The following PFKFB3 variants were observed in gnomAD, a reference collection of about 807,000 sequenced individuals.
PFKFB3 encodes the protein 6-phosphofructo-2-kinase/fructose-2,6-biphosphatase 3, also known as 6-phosphofructo-2-kinase/fructose-2,6-bisphosphatase 3.
Under a neutral mutation model 68.0 loss-of-function variants are expected in PFKFB3, and 33 were observed. The observed-to-expected ratio is 0.49, with a 90% CI of 0.37 to 0.65. The LOEUF (loss-of-function observed/expected upper bound fraction) is 0.65. Ranked by LOEUF, PFKFB3 falls within the 30% of genes least tolerant of loss-of-function variation. PFKFB3 has a pLI of 0.00. For synonymous variants in PFKFB3, 315 were observed against 288.2 expected, an observed-to-expected ratio of 1.09 and a Z score of -0.94; for missense variants, 586 against 712.2, an observed-to-expected ratio of 0.82 and a Z score of 2.02.
Position 6,229,476 on chromosome 10 carries a change from G to A in PFKFB3, c.1515+3111G>A, listed in dbSNP as rs769799471. ...TCCTGAGGCCCCTGCCCTGTGACCC[G>A]CAAGGCATGGGCAGCTGTTGGACCC... On this transcript the variant is annotated intron_variant, in intron 14 of 14. Transcript: ENST00000379775. This position sits in a 1 kb window ranked among gnomAD's most constrained non-coding sequence, Gnocchi z 4.3. 1.4e-4 allele frequency among the ~76,000 whole-genome samples: 21 copies of A among 152,190 alleles called. No homozygotes were observed. Among genetic ancestry groups the A allele is most frequent in the Admixed American group, 7.2e-4 (11 of 15,288 alleles).
intron 14 of PFKFB3, among the ~76,000 whole-genome samples, chr10:6,250,843 G>T (rs1846365013): frequency 6.6e-6 from 1 of 152,176 alleles, no homozygotes; most frequent in African/African-American, 2.4e-5. Flanking sequence ...GTTATAACCG[G>T]CCCAAATGGC....
At chr10:6,198,279 A>G (rs1456838685), upstream of PFKFB3, among the ~76,000 whole-genome samples, 1 of 151,882 alleles carries the variant, frequency 6.6e-6, no homozygotes. Context: ...AAAAGAAAAG[A>G]AAAGGAAATG....
the PFKFB3 span, among the ~76,000 whole-genome samples, chr10:6,285,934 G>A: frequency 1.4e-5 from 2 of 142,566 alleles, no homozygotes; most frequent in African/African-American, 2.6e-5. Context: ...TATGTACTAC[G>A]TTTTAAAATC....
intron 1 of PFKFB3, among the ~76,000 whole-genome samples, chr10:6,185,146 CGAG>C (rs1564605168): frequency 6.6e-6 from 1 of 152,220 alleles, no homozygotes; most frequent in African/African-American, 2.4e-5. Flanking sequence ...GCACGCCCCA[CGAG>C]GGCCTCTGTG....
At chr10:6,237,660 G>T (rs537626963), downstream of PFKFB3, among the ~76,000 whole-genome samples, 1 of 152,126 alleles carries the variant, frequency 6.6e-6, no homozygotes, top group South Asian at 2.1e-4. Flanking sequence ...CCGTCTCCAG[G>T]GCTCAAGTCA....
the PFKFB3 span, among the ~76,000 whole-genome samples, chr10:6,288,155 T>G: frequency 1.3e-5 from 2 of 151,892 alleles, no homozygotes; most frequent in East Asian, 3.8e-4. Flanking sequence ...CTAGTTCCTC[T>G]GTAGGTACGG....
intron 1 of PFKFB3, among the ~76,000 whole-genome samples, chr10:6,184,771 C>CT (rs35388630): frequency 0.25 from 30,054 of 121,358 alleles, 4,496 homozygotes; most frequent in Admixed American, 0.42. Flanking sequence ...CGCGCCTGGC[C>CT]TTTTTTTTTT....
intron 14 of PFKFB3, among the ~76,000 whole-genome samples, chr10:6,244,225 C>G (rs1300443946): frequency 1.3e-5 from 2 of 152,118 alleles, no homozygotes; most frequent in Admixed American, 6.5e-5. Flanking sequence ...GTTTGGATGT[C>G]AAATGAAGAG....
At chr10:6,288,458 G>GT in the PFKFB3 span, among the ~76,000 whole-genome samples, 1 of 149,290 alleles carries the variant, frequency 6.7e-6, no homozygotes. Context: ...GCGGTGTTTG[G>GT]TTTTTTGTCC....
At chr10:6,175,809 T>C (rs960194035) in intron 1 of PFKFB3, among the ~76,000 whole-genome samples, 1 of 152,244 alleles carries the variant, frequency 6.6e-6, no homozygotes, top group South Asian at 2.1e-4. Flanking sequence ...CACGGTGAGA[T>C]ACTACTCCAC....
chr10:6,278,428 A>G, the PFKFB3 span, among the ~76,000 whole-genome samples: 3 of 151,290 alleles, frequency 2.0e-5, no homozygotes, highest in Non-Finnish European at 4.4e-5. Context: ...GGCACGCACC[A>G]CCACAGCCAG....
chr10:6,230,349 G>A (rs1845659540), intron 14 of PFKFB3, among the ~76,000 whole-genome samples: 1 of 152,132 alleles, frequency 6.6e-6, no homozygotes, highest in African/African-American at 2.4e-5. Context: ...ACCAAGCCAG[G>A]CCTGCATCTT....
chr10:6,164,148 G>C (rs540287533), intron 1 of PFKFB3: 23 of 152,420 alleles, frequency 1.5e-4, no homozygotes, highest in African/African-American at 5.5e-4. Flanking sequence ...CCTGTGGGTT[G>C]AGGGCGCGGG....
the PFKFB3 span, among the ~76,000 whole-genome samples, chr10:6,286,468 C>A: frequency 6.6e-6 from 1 of 152,062 alleles, no homozygotes; most frequent in East Asian, 1.9e-4. Context: ...ACCTCTGCCT[C>A]CTGGGTTCAA....
chr10:6,214,703 G>T (rs1173353717), intron 2 of PFKFB3, among the ~76,000 whole-genome samples: 1 of 152,114 alleles, frequency 6.6e-6, no homozygotes, highest in Non-Finnish European at 1.5e-5. Context: ...TGAAAGGATG[G>T]TTTTTATGTT....
chr10:6,296,466 A>C, the PFKFB3 span, among the ~76,000 whole-genome samples: 1 of 152,236 alleles, frequency 6.6e-6, no homozygotes, highest in Non-Finnish European at 1.5e-5. Flanking sequence ...CAAGTTTATT[A>C]AGAAAGTGAA....
chr10:6,156,129 ATG>A lies in PFKFB3; in HGVS notation c.16+11150_16+11151del, dbSNP rs112267780. On this transcript the variant is annotated intron_variant, in intron 1 of 14. Transcript: ENST00000379789. The stretch of plus-strand genomic sequence containing the variant: ...AGATATTATATATATGTACATATAT[ATG>A]TGTGTGTGTGTGTGTGTGTGTGTGT... Among the ~76,000 whole-genome samples the A allele has an allele frequency of 9.4e-3, 909 of 96,964 alleles. 6 individuals are homozygous for A. The highest frequency in any genetic ancestry group is 0.023 in the African/African-American group (820 of 35,030). The allele number at this position is 96,964 out of a possible 152,430, so 63.6% of individuals were successfully genotyped here.
At chr10:6,232,746 G>C (rs1483705937) in intron 14 of PFKFB3, 149 bp from the exon 15 acceptor site, 1 of 679,160 alleles carries the variant, frequency 1.5e-6, no homozygotes, top group African/African-American at 1.8e-5. Flanking sequence ...CCGCCTGTGA[G>C]GTTGGCAGCA....
At chr10:6,205,483 C>T (rs1843622998) in intron 1 of PFKFB3, among the ~76,000 whole-genome samples, 1 of 149,546 alleles carries the variant, frequency 6.7e-6, no homozygotes, top group South Asian at 2.1e-4. Flanking sequence ...ACTTCTGCCT[C>T]CGGGTTTCAA....
Sources: allele counts gnomAD v4.1 joint callset (sites outside exome capture counted in the v4.1 genomes callset), GRCh38; gene constraint gnomAD v4.1.1; non-coding constraint Gnocchi (gnomAD v3.1); transcripts MANE v1.5; gene names NCBI Gene and HGNC (gene_info 2026-07-23, HGNC 2026-07-21).